Variants in MEIS1 observed in about 807,000 individuals in gnomAD.
The protein encoded by MEIS1 is Meis homeobox 1, also known as homeobox protein Meis1.
In MEIS1, 5 loss-of-function variants were observed where a neutral mutation model predicts 50.8. The observed-to-expected ratio is 0.10, with a 90% CI of 0.05 to 0.21. The LOEUF (loss-of-function observed/expected upper bound fraction) is 0.21. Among genes scored for constraint, MEIS1 ranks in the 10% least tolerant of loss-of-function variants. The probability of loss-of-function intolerance (pLI) is 1.00; values close to 1 mark genes in which losing one functional copy is unlikely to be tolerated. For missense variants in MEIS1, 318 were observed against 517.3 expected (o/e 0.61, Z 3.74); for synonymous variants, 176 against 179.3 (o/e 0.98, Z 0.15).
intron 8 of MEIS1, among the ~76,000 whole-genome samples, chr2:66,544,644 A>G (rs1051790493): frequency 3.0e-4 from 46 of 152,274 alleles, no homozygotes; most frequent in Non-Finnish European, 2.6e-4. Flanking sequence ...AAAAAAATAT[A>G]TATATATCCC....
At position 66,456,787 on chromosome 2, in the gene MEIS1, C is replaced by G. The variant is rs1208930853; in HGVS notation, c.631-7322C>G. Among the ~76,000 whole-genome samples the G allele has an allele frequency of 5.9e-5, 9 of 152,332 alleles. No homozygotes were observed. The East Asian group carries it at 1.7e-3, about 29-fold the overall frequency. On this transcript the variant is annotated intron_variant, in intron 6 of 12. Coordinates refer to ENST00000272369, the MANE Select transcript of MEIS1 (RefSeq NM_002398.3). ...AGGTAGCCTTTTAAAAAGTTGGCCT[C>G]TCTGCCAAAGATGAGTGTGGGCCTC...
intron 9 of MEIS1, among the ~76,000 whole-genome samples, chr2:66,552,872 T>A (rs1674955035): frequency 6.6e-6 from 1 of 152,230 alleles, no homozygotes; most frequent in Admixed American, 6.5e-5. Context: ...TTTCAACTTC[T>A]GTGATCTAAA....
intron 9 of MEIS1, among the ~76,000 whole-genome samples, chr2:66,566,020 T>G (rs1675338481): frequency 6.6e-6 from 1 of 152,208 alleles, no homozygotes; most frequent in Non-Finnish European, 1.5e-5. Flanking sequence ...ATTCCAGTTT[T>G]CATGGTTTAT....
At chr2:66,492,413 C>G (rs1371298728) in intron 7 of MEIS1, among the ~76,000 whole-genome samples, 1 of 152,126 alleles carries the variant, frequency 6.6e-6, no homozygotes, top group African/African-American at 2.4e-5. Flanking sequence ...GGTCTCAAGT[C>G]TCAGTTCAGC....
intron 7 of MEIS1, among the ~76,000 whole-genome samples, chr2:66,501,033 C>G (rs948386614): frequency 6.6e-6 from 1 of 151,898 alleles, no homozygotes; most frequent in Non-Finnish European, 1.5e-5. Flanking sequence ...ATATGGGGTA[C>G]TTTTTTTCCT....
chr2:66,450,447 AC>A (rs1672251804), intron 6 of MEIS1, among the ~76,000 whole-genome samples: 1 of 152,148 alleles, frequency 6.6e-6, no homozygotes, highest in Admixed American at 6.5e-5. Context: ...CAAAAACAAG[AC>A]CAAAAAATCC....
At position 66,475,598 on chromosome 2, in the gene MEIS1, C is replaced by T. The variant is rs557347183; in HGVS notation, c.742+11378C>T. Among the ~76,000 whole-genome samples, 5 of 152,188 alleles carry T rather than the reference C, an allele frequency of 3.3e-5. 2 individuals are homozygous for T. Among genetic ancestry groups the T allele is most frequent in the African/African-American group, 1.2e-4 (5 of 41,540 alleles). On this transcript the variant is annotated intron_variant, in intron 7 of 12. Transcript: ENST00000272369. ...AGCTTCCTAGCAGCTAAAACAAAGA[C>T]TGAAATATAATTAATTACAAGATTT...
intron 8 of MEIS1, among the ~76,000 whole-genome samples, chr2:66,527,590 AAGTGTG>A (rs1442069582): frequency 4.1e-5 from 4 of 97,730 alleles, no homozygotes; most frequent in African/African-American, 1.8e-4. Flanking sequence ...CAGTAAAAGC[AAGTGTG>A]TGTGTGTGTG....
At chr2:66,464,454 G>A (rs1672589574) in intron 7 of MEIS1, among the ~76,000 whole-genome samples, 1 of 152,156 alleles carries the variant, frequency 6.6e-6, no homozygotes, top group Non-Finnish European at 1.5e-5. Context: ...TTGACTCAGG[G>A]CAAGATTAGA....
At chr2:66,522,005 T>A (rs1261784486) in intron 8 of MEIS1, among the ~76,000 whole-genome samples, 1 of 152,236 alleles carries the variant, frequency 6.6e-6, no homozygotes, top group African/African-American at 2.4e-5. Flanking sequence ...CCCACATCCG[T>A]AATGCGATGG....
intron 10 of MEIS1, chr2:66,568,105 C>CT (rs371137568): frequency 0.082 from 12,083 of 146,942 alleles, 513 homozygotes; most frequent in Admixed American, 0.13. Flanking sequence ...TGGTGTTCGA[C>CT]TTTTTTTTTT....
At chr2:66,532,790 G>T (rs549800628) in intron 8 of MEIS1, among the ~76,000 whole-genome samples, 1 of 152,158 alleles carries the variant, frequency 6.6e-6, no homozygotes, top group Non-Finnish European at 1.5e-5. Flanking sequence ...CAGGTTTGAT[G>T]TGAGCTACAG....
At chr2:66,543,897 A>G (rs1321583967) in intron 8 of MEIS1, among the ~76,000 whole-genome samples, 1 of 152,198 alleles carries the variant, frequency 6.6e-6, no homozygotes, top group African/African-American at 2.4e-5. Context: ...ACTGTGGTCA[A>G]ATTTGCTTTG....
Position 66,446,192 on chromosome 2 carries a change from A to G in MEIS1, c.630+3144A>G, listed in dbSNP as rs535902145. 1.7e-3 allele frequency among the ~76,000 whole-genome samples: 254 copies of G among 152,238 alleles called. 1 individual carries two copies. Among genetic ancestry groups the G allele is most frequent in the Non-Finnish European group, 2.7e-3 (182 of 68,004 alleles). On this transcript the variant is annotated intron_variant, in intron 6 of 12. Transcript: ENST00000272369. ...GGCTTCAGAGAACGATGCGGGTTCG[A>G]CCGGAAGCGGGGCGCGTGTTCTAGG...
At chr2:66,545,399 G>A (rs935906873) in intron 8 of MEIS1, among the ~76,000 whole-genome samples, 4 of 152,174 alleles carry the variant, frequency 2.6e-5, no homozygotes, top group African/African-American at 9.7e-5. Context: ...AATTGAGCTT[G>A]TCTTCTGGCA....
intron 8 of MEIS1, among the ~76,000 whole-genome samples, chr2:66,533,452 T>C (rs1164374010): frequency 6.6e-6 from 1 of 152,172 alleles, no homozygotes; most frequent in African/African-American, 2.4e-5. Context: ...TGAAGTGTCC[T>C]TACTCATCTG....
At chr2:66,478,903 T>G (rs1025171443) in intron 7 of MEIS1, among the ~76,000 whole-genome samples, 135 of 152,200 alleles carry the variant, frequency 8.9e-4, no homozygotes, top group African/African-American at 3.2e-3. Flanking sequence ...GTACACATTA[T>G]TGTTGGTGAG....
At chr2:66,440,079 A>ACACACACACACACGG (rs1239885834) in intron 3 of MEIS1, 95 bp downstream of exon 3, 5 of 1,086,200 alleles carry the variant, frequency 4.6e-6, no homozygotes, top group Non-Finnish European at 6.5e-6. Flanking sequence ...ACACACACAC[A>ACACACACACACACGG]CACACACACA....
chr2:66,469,171 A>G (rs1672710620), intron 7 of MEIS1, among the ~76,000 whole-genome samples: 1 of 150,666 alleles, frequency 6.6e-6, no homozygotes, highest in African/African-American at 2.5e-5. Flanking sequence ...GGCAGGACTC[A>G]GAATAACAAT....
Sources: allele counts gnomAD v4.1 joint callset (sites outside exome capture counted in the v4.1 genomes callset), GRCh38; gene constraint gnomAD v4.1.1; transcripts MANE v1.5; gene names NCBI Gene and HGNC (gene_info 2026-07-23, HGNC 2026-07-21).